The following NCOA3 variants were observed in gnomAD, a reference collection of about 807,000 sequenced individuals.
NCOA3 encodes CBP-interacting protein.
A neutral mutation model predicts 158.8 loss-of-function variants in NCOA3; 51 were observed. That is an observed-to-expected ratio of 0.32 (90% CI 0.26 to 0.41). NCOA3 has a LOEUF of 0.41. Among genes scored for constraint, NCOA3 ranks in the 10% least tolerant of loss-of-function variants. The probability of loss-of-function intolerance (pLI) is 1.00; values close to 1 mark genes in which losing one functional copy is unlikely to be tolerated. For missense variants in NCOA3, 1,510 were observed against 1,746.6 expected, an observed-to-expected ratio of 0.86 and a Z score of 2.41; for synonymous variants, 537 against 592.4, an observed-to-expected ratio of 0.91 and a Z score of 1.36.
intron 1 of NCOA3, among the ~76,000 whole-genome samples, chr20:47,526,641 A>T (rs1051627896): frequency 1.8e-4 from 27 of 152,284 alleles, no homozygotes; most frequent in African/African-American, 6.5e-4. Flanking sequence ...CACGCCTGCA[A>T]TCGCAGGCAC....
intron 2 of NCOA3, among the ~76,000 whole-genome samples, chr20:47,607,491 T>C (rs1378170761): frequency 1.3e-5 from 2 of 152,194 alleles, no homozygotes; most frequent in African/African-American, 4.8e-5. Flanking sequence ...GTGCCCTTCT[T>C]TATTTGTTTC....
intron 21 of NCOA3, 64 bp downstream of exon 21, chr20:47,652,644 A>G: frequency 9.4e-6 from 14 of 1,483,536 alleles, no homozygotes; most frequent in Non-Finnish European, 1.2e-5. Context: ...AACTTAATGT[A>G]TTTTTCAGTC....
chr20:47,535,233 G>C (rs966298652), intron 1 of NCOA3, among the ~76,000 whole-genome samples: 20 of 152,116 alleles, frequency 1.3e-4, no homozygotes, highest in African/African-American at 4.6e-4. Flanking sequence ...AAACCCCTAG[G>C]GGGAGCATGC....
chr20:47,587,764 G>A (rs1233929567), intron 2 of NCOA3, among the ~76,000 whole-genome samples: 3 of 152,024 alleles, frequency 2.0e-5, no homozygotes, highest in Non-Finnish European at 4.4e-5. Flanking sequence ...ACAGAGGGCC[G>A]ACTTCGCATG....
At chr20:47,578,001 C>A (rs1440063703) in intron 1 of NCOA3, among the ~76,000 whole-genome samples, 2 of 152,074 alleles carry the variant, frequency 1.3e-5, no homozygotes, top group Admixed American at 1.3e-4. Flanking sequence ...CCCCCACTCC[C>A]TTATCAAGAA....
Position 47,604,928 on chromosome 20 carries a change from G to A in NCOA3, c.-19-17301G>A, listed in dbSNP as rs187257543. On this transcript the variant is annotated intron_variant, in intron 2 of 22. Coordinates refer to ENST00000371998, the MANE Select transcript of NCOA3 (RefSeq NM_181659.3). The stretch of plus-strand genomic sequence containing the variant: ...GTCACTCAGGCTGGAGTGCAGTGGC[G>A]AGATCTCGGCTCACTGCAACCTTCA... Among the ~76,000 whole-genome samples, 471 of 152,074 alleles carry A rather than the reference G, an allele frequency of 3.1e-3. 4 individuals are homozygous for A. Among genetic ancestry groups the A allele is most frequent in the South Asian group, 0.026 (125 of 4,810 alleles).
intron 1 of NCOA3, among the ~76,000 whole-genome samples, chr20:47,557,958 G>C (rs535513805): frequency 6.6e-6 from 1 of 152,180 alleles, no homozygotes; most frequent in African/African-American, 2.4e-5. Flanking sequence ...AGTCAGCAGG[G>C]TTGCTTCCTT....
At chr20:47,649,843 C>T (rs2086752551) in intron 19 of NCOA3, among the ~76,000 whole-genome samples, 1 of 151,982 alleles carries the variant, frequency 6.6e-6, no homozygotes, top group Non-Finnish European at 1.5e-5. Flanking sequence ...TTGGAGATGA[C>T]CCGTAGCTAG....
Position 47,621,763 on chromosome 20 carries a change from C to T in NCOA3, c.-19-466C>T, listed in dbSNP as rs567700053. 3.3e-5 allele frequency among the ~76,000 whole-genome samples: 5 copies of T among 150,188 alleles called. No individual in the cohort carries two copies. The East Asian group carries it at 9.8e-4, about 30-fold the overall frequency. On this transcript the variant is annotated intron_variant, in intron 2 of 22. Transcript: ENST00000371998. ...TCTACCCCTCGGTTCAAGTGATTCTCCTGCCTCAGCCTCCCAAATAACTAG... is the reference window on the plus strand; with the variant it reads ...TCTACCCCTCGGTTCAAGTGATTCTTCTGCCTCAGCCTCCCAAATAACTAG...
chr20:47,558,232 A>ATTTTT lies in NCOA3; in HGVS notation c.-98-24926_-98-24922dup, dbSNP rs71183263. On this transcript the variant is annotated intron_variant, in intron 1 of 22. Coordinates refer to ENST00000371998, the MANE Select transcript of NCOA3 (RefSeq NM_181659.3). ...CACCTCCACGCCCAGCTAATTTTGT[A>ATTTTT]TTTTTTTTTTTTTTTTTTTTTTTTT... is the stretch of plus-strand genomic sequence containing the variant. Among the ~76,000 whole-genome samples the ATTTTT allele has an allele frequency of 1.8e-3, 102 of 55,522 alleles. 12 individuals carry two copies. The highest frequency in any genetic ancestry group is 5.5e-3 in the African/African-American group (85 of 15,480). The allele number at this position is 55,522 out of a possible 152,430, so 36.4% of individuals were successfully genotyped here. A position where few individuals can be genotyped will look rare whatever the true frequency, so the allele number is the denominator to read the frequency against.
At chr20:47,617,042 G>C (rs1176863064) in intron 2 of NCOA3, among the ~76,000 whole-genome samples, 1 of 152,092 alleles carries the variant, frequency 6.6e-6, no homozygotes, top group East Asian at 1.9e-4. Context: ...GGCAACTTCT[G>C]CCTCTCGGGT....
chr20:47,549,471 A>C (rs2084894838), intron 1 of NCOA3, among the ~76,000 whole-genome samples: 1 of 151,600 alleles, frequency 6.6e-6, no homozygotes, highest in Non-Finnish European at 1.5e-5. Context: ...GAGACATGGC[A>C]ATCACTTGAG....
chr20:47,519,290 G>A (rs1256585459), intron 1 of NCOA3, among the ~76,000 whole-genome samples: 1 of 152,072 alleles, frequency 6.6e-6, no homozygotes, highest in African/African-American at 2.4e-5. Flanking sequence ...TGAAAAGCCA[G>A]GCGTGGTGGC....
intron 2 of NCOA3, among the ~76,000 whole-genome samples, chr20:47,596,363 T>C (rs1416222586): frequency 6.6e-6 from 1 of 152,238 alleles, no homozygotes; most frequent in Non-Finnish European, 1.5e-5. Context: ...ATCCCTGTAT[T>C]GTATTCTTTT....
chr20:47,633,452 T>C (rs761620831), intron 8 of NCOA3, 44 bp from the exon 9 acceptor site: 8 of 1,559,028 alleles, frequency 5.1e-6, no homozygotes, highest in Non-Finnish European at 6.1e-6. Context: ...AGTAAATACT[T>C]GTGGGCTGGA....
In NCOA3 at chr20:47,633,480, T is replaced by C; in HGVS notation, c.824-16T>C. 6.3e-7 allele frequency: 1 copy of C among 1,595,348 alleles called. No homozygotes were observed. The highest frequency in any genetic ancestry group is 1.1e-5 in the South Asian group (1 of 87,158). On this transcript the variant is annotated splice_polypyrimidine_tract_variant and intron_variant, in intron 8 of 22. Coordinates refer to ENST00000371998, the MANE Select transcript of NCOA3 (RefSeq NM_181659.3). ...GGGCTGGATATAAGTCTTTTTTTCC[T>C]TTTTTTGTTTAATAGGAAAGGTTGT...
intron 2 of NCOA3, among the ~76,000 whole-genome samples, chr20:47,621,558 A>C (rs1237825915): frequency 9.2e-5 from 14 of 151,904 alleles, no homozygotes; most frequent in Admixed American, 9.2e-4. Flanking sequence ...GGCTTAGTAG[A>C]TGTCTTAAAT....
At chr20:47,600,981 A>G (rs1352260866) in intron 2 of NCOA3, among the ~76,000 whole-genome samples, 1 of 152,146 alleles carries the variant, frequency 6.6e-6, no homozygotes, top group Non-Finnish European at 1.5e-5. Flanking sequence ...TTTATTATTA[A>G]AGTCAAAGAA....
intron 21 of NCOA3, among the ~76,000 whole-genome samples, 173 bp downstream of exon 21, chr20:47,652,753 A>G (rs1602551818): frequency 6.6e-6 from 1 of 152,214 alleles, no homozygotes; most frequent in Admixed American, 6.5e-5. Flanking sequence ...GCACATATCT[A>G]TTAGGGTGTC....
Sources: gnomAD v4.1 joint callset for allele counts (sites outside exome capture counted in the v4.1 genomes callset) on GRCh38, gnomAD v4.1.1 for gene constraint, MANE v1.5 for transcripts, NCBI Gene and HGNC (gene_info 2026-07-23, HGNC 2026-07-21) for gene names.